The following MED20 variants were observed in gnomAD, a reference collection of about 807,000 sequenced individuals.
MED20 encodes the protein mediator complex subunit 20, also known as mediator of RNA polymerase II transcription subunit 20.
In MED20, 19 loss-of-function variants were observed where a neutral mutation model predicts 19.7. That is an observed-to-expected ratio of 0.96 (90% CI 0.67 to 1.42). MED20 has a LOEUF of 1.42. Ranked by LOEUF, MED20 falls within the 40% of genes most tolerant of loss-of-function variation. The pLI is 0.00. For synonymous variants in MED20, 105 were observed against 104.8 expected (o/e 1.00, Z -0.01); for missense variants, 225 against 273.0 (o/e 0.82, Z 1.24).
In MED20 at chr6:41,909,579, TAGAGTC is replaced by T. The variant is rs1170204850; in HGVS notation, c.170-63_170-58del. 2.5e-6 allele frequency: 4 copies of T among 1,588,652 alleles called. No homozygotes were observed. The African/African-American group carries it at 5.4e-5, about 21-fold the overall frequency. ...AGACTTTCACTGGCAAACCCCAGAG[TAGAGTC>T]AAATGACTCCCCCCGGAATGAGGCC... On this transcript the variant is annotated intron_variant, in intron 2 of 3. Coordinates refer to ENST00000265350, the MANE Select transcript of MED20 (RefSeq NM_004275.5).
At position 41,909,470 on chromosome 6, in the gene MED20, G is replaced by A. The variant is rs141353102; in HGVS notation, c.222C>T (p.Ser74=). 167 of 1,614,276 alleles carry A rather than the reference G, an allele frequency of 1.0e-4. No individual in the cohort carries two copies. The highest frequency in any genetic ancestry group is 9.0e-4 in the Admixed American group (54 of 60,032). ...YVMHNSEYPL[S]CFALFENGPC... ...GGCCATTCTCAAAGAGGGCGAAACA[G>A]CTCAATGGGTACTCTGAGTTGTGCA... Residue 74 remains serine (S), a synonymous_variant, in exon 3 of 4, where the codon AGC becomes AGT. Transcript: ENST00000265350.
At chr6:41,912,350 T>C (rs1217872506) in intron 2 of MED20, among the ~76,000 whole-genome samples, 2 of 124,310 alleles carry the variant, frequency 1.6e-5, no homozygotes, top group African/African-American at 3.2e-5. Flanking sequence ...CTGACCATAG[T>C]ACTTTTTTTT....
intron 2 of MED20, among the ~76,000 whole-genome samples, 161 bp from the exon 3 acceptor site, chr6:41,909,683 CTA>C (rs1775144594): frequency 6.6e-6 from 1 of 152,134 alleles, no homozygotes; most frequent in Non-Finnish European, 1.5e-5. Context: ...ACAGCCTTTT[CTA>C]GAAAGGTAGG....
At chr6:41,909,206 T>A (rs1368486565) in intron 3 of MED20, 63 bp downstream of exon 3, 1 of 1,549,776 alleles carries the variant, frequency 6.5e-7, no homozygotes, top group South Asian at 1.2e-5. Flanking sequence ...TGGAAAATCT[T>A]CAGAGCCCTT....
chr6:41,917,126 G>A (rs1775334896), intron 1 of MED20, among the ~76,000 whole-genome samples, 187 bp from the exon 2 acceptor site: 1 of 152,084 alleles, frequency 6.6e-6, no homozygotes, highest in Admixed American at 6.6e-5. Context: ...TTTTGGCCAG[G>A]CGTGGTGGCT....
Position 41,909,042 on chromosome 6 carries a change from T to C in MED20, c.423+227A>G, listed in dbSNP as rs1474504881. ...TACTAAAAAAAAAAAAAAATTTAAT[T>C]CGGTGGGTGTAGTCCCAGGTACTTG... On this transcript the variant is annotated intron_variant, in intron 3 of 3. Coordinates refer to ENST00000265350, the MANE Select transcript of MED20 (RefSeq NM_004275.5). 1.7e-5 allele frequency: 9 copies of C among 525,896 alleles called. 1 individual carries two copies. In the Admixed American group the frequency reaches 2.4e-4, roughly 14 times the overall value. 32.6% of individuals were successfully genotyped at this position (525,896 alleles called of 1,614,324 possible).
chr6:41,914,721 GA>G (rs1315397381), intron 2 of MED20, among the ~76,000 whole-genome samples: 1,635 of 130,752 alleles, frequency 0.013, 25 homozygotes, highest in African/African-American at 0.04. Flanking sequence ...ACTCTAAAAA[GA>G]AAAAAAAAAA....
chr6:41,906,905 T>C lies in MED20; in HGVS notation c.*167A>G. The C allele has an allele frequency of 3.3e-6, 2 of 613,308 alleles. No homozygotes were observed. Among genetic ancestry groups the C allele is most frequent in the Admixed American group, 5.9e-5 (2 of 33,640 alleles). 38.0% of individuals were successfully genotyped at this position (613,308 alleles called of 1,614,324 possible). A position where few individuals can be genotyped will look rare whatever the true frequency, so the allele number is the denominator to read the frequency against. On this transcript the variant is annotated 3_prime_UTR_variant, in exon 4 of 4. Coordinates refer to ENST00000265350, the MANE Select transcript of MED20 (RefSeq NM_004275.5). The stretch of plus-strand genomic sequence containing the variant: ...GGGCTATGTGTGAGAGTCAGGGGGT[T>C]GGGGAGGGGACTCAGCCCCAGAACA...
chr6:41,909,182 A>T, intron 3 of MED20, 87 bp downstream of exon 3: 1 of 1,515,806 alleles, frequency 6.6e-7, no homozygotes, highest in Non-Finnish European at 8.8e-7. Flanking sequence ...TCAAAAAAAA[A>T]AAAAGAGAAG....
At chr6:41,908,765 G>A (rs1215028325) in intron 3 of MED20, among the ~76,000 whole-genome samples, 5 of 152,028 alleles carry the variant, frequency 3.3e-5, no homozygotes, top group African/African-American at 2.4e-5. Flanking sequence ...CCAGCTTCCC[G>A]CTTCCTACTT....
Position 41,916,782 on chromosome 6 carries a change from G to A in MED20, c.169+3C>T, listed in dbSNP as rs767311771. 1 of 1,613,776 alleles carries A rather than the reference G, an allele frequency of 6.2e-7. No homozygotes were observed. The highest frequency in any genetic ancestry group is 1.1e-5 in the South Asian group (1 of 91,054). On this transcript the variant is annotated splice_donor_region_variant and intron_variant, in intron 2 of 3. Coordinates refer to ENST00000265350, the MANE Select transcript of MED20 (RefSeq NM_004275.5). The stretch of plus-strand genomic sequence containing the variant: ...AGCCATCCTACAGACCCATCTCACT[G>A]ACCTTGGCTGCCAAGGGTAGAGGCG...
At chr6:41,908,422 CACAG>C (rs1021551664) in intron 3 of MED20, among the ~76,000 whole-genome samples, 5 of 152,200 alleles carry the variant, frequency 3.3e-5, no homozygotes, top group African/African-American at 1.2e-4. Context: ...TGTATGTATA[CACAG>C]ACACACACAC....
At chr6:41,913,933 T>C (rs1775254603) in intron 2 of MED20, among the ~76,000 whole-genome samples, 1 of 152,202 alleles carries the variant, frequency 6.6e-6, no homozygotes, top group African/African-American at 2.4e-5. Flanking sequence ...CAGTTCTAAA[T>C]GCTTTGTATG....
chr6:41,920,897 C>A (rs1262328429), intron 1 of MED20, 108 bp downstream of exon 1: 1 of 1,437,928 alleles, frequency 7.0e-7, no homozygotes, highest in African/African-American at 1.4e-5. Flanking sequence ...CTACACAACC[C>A]GAGGACATCT....
chr6:41,915,789 A>ACACACACACACACACACACACAC, intron 2 of MED20, among the ~76,000 whole-genome samples: 1 of 148,710 alleles, frequency 6.7e-6, no homozygotes, highest in African/African-American at 2.5e-5. Context: ...TCCGTCTCAA[A>ACACACACACACACACACACACAC]ACACACACAC....
chr6:41,913,356 G>C (rs779902612), intron 2 of MED20, among the ~76,000 whole-genome samples: 1 of 152,170 alleles, frequency 6.6e-6, no homozygotes, highest in African/African-American at 2.4e-5. Context: ...CCATGAAGGC[G>C]TGCTGTCTCC....
At position 41,906,995 on chromosome 6, in the gene MED20, C is replaced by T. The variant is rs1775066639; in HGVS notation, c.*77G>A. 3 of 1,372,596 alleles carry T rather than the reference C, an allele frequency of 2.2e-6. No individual in the cohort carries two copies. The highest frequency in any genetic ancestry group is 3.1e-6 in the Non-Finnish European group (3 of 977,990). The allele number at this position is 1,372,596 out of a possible 1,614,324, so 85.0% of individuals were successfully genotyped here. A position where few individuals can be genotyped will look rare whatever the true frequency, so the allele number is the denominator to read the frequency against. On this transcript the variant is annotated 3_prime_UTR_variant, in exon 4 of 4. Transcript: ENST00000265350. ...ATGTCTACCCTGGGTTTCTGGGGTC[C>T]AGGGACCTGAAAGTCAGCACCTGCT...
intron 1 of MED20, among the ~76,000 whole-genome samples, chr6:41,919,179 G>A (rs1417431708): frequency 2.0e-5 from 3 of 149,372 alleles, no homozygotes; most frequent in Non-Finnish European, 3.0e-5. Flanking sequence ...AGCACAAAGA[G>A]GTTAAATAAC....
intron 2 of MED20, among the ~76,000 whole-genome samples, chr6:41,914,191 T>C (rs1209173951): frequency 2.0e-5 from 3 of 152,106 alleles, no homozygotes; most frequent in Non-Finnish European, 4.4e-5. Context: ...AAAGAAAATA[T>C]GTGCTGTTGT....
Sources: gnomAD v4.1 joint callset for allele counts (sites outside exome capture counted in the v4.1 genomes callset) on GRCh38, gnomAD v4.1.1 for gene constraint, MANE v1.5 for transcripts, NCBI Gene and HGNC (gene_info 2026-07-23, HGNC 2026-07-21) for gene names.